NLGN4X: variants seen among roughly 807,000 people sequenced by gnomAD.
NLGN4X encodes neuroligin 4 X-linked.
NLGN4X carries 3 observed loss-of-function variants against 40.3 expected under a neutral mutation model. The ratio of observed to expected loss-of-function variants is 0.07; its 90% CI spans 0.03 to 0.19. NLGN4X has a LOEUF of 0.19. NLGN4X is among the 10% of genes least tolerant of loss of function. The pLI, the probability that NLGN4X is intolerant of heterozygous loss-of-function variation, is 1.00. For synonymous variants in NLGN4X, 270 were observed against 306.8 expected (o/e 0.88, Z 1.25); for missense variants, 382 against 708.3 (o/e 0.54, Z 5.23).
chrX:6,056,623 T>C (rs2037639000), intron 2 of NLGN4X, among the ~76,000 whole-genome samples: 1 of 112,454 alleles, frequency 8.9e-6, no homozygotes, highest in Non-Finnish European at 1.9e-5. Flanking sequence ...AATGGATATG[T>C]GTAACATGCA....
At chrX:6,050,683 C>G (rs1287528517) in intron 2 of NLGN4X, among the ~76,000 whole-genome samples, 1 of 111,352 alleles carries the variant, frequency 9.0e-6, no homozygotes, top group Non-Finnish European at 1.9e-5. Context: ...TCATATCTAT[C>G]TATTTATCTA....
intron 5 of NLGN4X, among the ~76,000 whole-genome samples, chrX:5,900,059 G>T (rs1464690966): frequency 2.7e-5 from 3 of 112,365 alleles, no homozygotes; most frequent in Non-Finnish European, 5.6e-5. Flanking sequence ...GAAATTCTCT[G>T]CAAGGGCAGA....
intron 3 of NLGN4X, among the ~76,000 whole-genome samples, chrX:5,947,935 G>A (rs964201419): frequency 5.4e-5 from 6 of 111,891 alleles, no homozygotes; most frequent in Non-Finnish European, 1.1e-4. Context: ...CACAAAAATG[G>A]AAATATGTGT....
In NLGN4X at chrX:6,089,995, G is replaced by A. The variant is rs188130719; in HGVS notation, c.473-60563C>T. 1.7e-4 allele frequency among the ~76,000 whole-genome samples: 19 copies of A among 111,024 alleles called. No homozygotes were observed. The Admixed American group carries it at 1.8e-3, about 11-fold the overall frequency. ...TGGTTATCAGTATTAGGAATCATGTGCTCCCAAGTGTGTGGACCAAGGTCA... is the reference window on the plus strand; with the variant it reads ...TGGTTATCAGTATTAGGAATCATGTACTCCCAAGTGTGTGGACCAAGGTCA... On this transcript the variant is annotated intron_variant, in intron 2 of 5. Transcript: ENST00000381095.
At chrX:6,111,448 T>C (rs1042488994) in intron 2 of NLGN4X, among the ~76,000 whole-genome samples, 7 of 111,564 alleles carry the variant, frequency 6.3e-5, no homozygotes, top group Non-Finnish European at 1.3e-4. Context: ...GAAATAAATG[T>C]GTGTTGTTAG....
chrX:6,210,827 C>T (rs756770187), intron 1 of NLGN4X, among the ~76,000 whole-genome samples: 3 of 112,217 alleles, frequency 2.7e-5, no homozygotes, highest in East Asian at 2.8e-4. Context: ...CTTGACCTTG[C>T]GTGAGTTACA....
intron 3 of NLGN4X, among the ~76,000 whole-genome samples, chrX:5,965,420 GGAGGCACTCTATAGAATGTGCACATCTTC>G (rs1197764932): frequency 8.9e-6 from 1 of 111,962 alleles, no homozygotes; most frequent in Non-Finnish European, 1.9e-5. Flanking sequence ...TGAAAACCTT[GGAGGCACTCTATAGAATGTGCACATCTTC>G]GAGGCACTCT....
chrX:6,110,432 T>C (rs368989123), intron 2 of NLGN4X, among the ~76,000 whole-genome samples: 70 of 111,936 alleles, frequency 6.3e-4, no homozygotes, highest in African/African-American at 2.2e-3. Context: ...GAATCCTGAG[T>C]TTCTGTGCAT....
At chrX:5,978,268 C>T (rs766299698) in intron 3 of NLGN4X, among the ~76,000 whole-genome samples, 3 of 94,110 alleles carry the variant, frequency 3.2e-5, no homozygotes, top group African/African-American at 1.6e-4. Context: ...ACAGGCGTCT[C>T]TTTTTTTCTT....
chrX:6,111,423 T>C (rs1323375291), intron 2 of NLGN4X, among the ~76,000 whole-genome samples: 2 of 111,293 alleles, frequency 1.8e-5, no homozygotes, highest in Non-Finnish European at 3.8e-5. Context: ...GATCCTGGAC[T>C]TCCCAGGACC....
At chrX:6,133,873 T>C (rs925903277) in intron 2 of NLGN4X, among the ~76,000 whole-genome samples, 1 of 111,900 alleles carries the variant, frequency 8.9e-6, no homozygotes. Context: ...AAGGGTAAGA[T>C]AGTACATATT....
At chrX:6,042,708 T>TAG (rs1569203669) in intron 2 of NLGN4X, among the ~76,000 whole-genome samples, 1 of 34,437 alleles carries the variant, frequency 2.9e-5, no homozygotes, top group Non-Finnish European at 5.5e-5. Flanking sequence ...TATATATATA[T>TAG]ATATATATAT....
chrX:6,045,008 C>T (rs1295922585), intron 2 of NLGN4X, among the ~76,000 whole-genome samples: 1 of 111,893 alleles, frequency 8.9e-6, no homozygotes. Context: ...GCAAAGCATA[C>T]TCCAATAAAA....
At chrX:6,173,166 A>C (rs1481565853) in intron 1 of NLGN4X, among the ~76,000 whole-genome samples, 1 of 112,340 alleles carries the variant, frequency 8.9e-6, no homozygotes, top group Non-Finnish European at 1.9e-5. Flanking sequence ...TGTGGAGAGG[A>C]GGGAAGGACC....
chrX:5,978,324 CTTT>C (rs781023543), intron 3 of NLGN4X, among the ~76,000 whole-genome samples: 16,716 of 78,997 alleles, frequency 0.21, 1,791 homozygotes, highest in East Asian at 0.41. Flanking sequence ...TTCTTTCTTT[CTTT>C]CTTTCTTTCT....
chrX:5,904,966 A>G (rs1178956077), intron 4 of NLGN4X, among the ~76,000 whole-genome samples: 1 of 110,427 alleles, frequency 9.1e-6, no homozygotes, highest in African/African-American at 3.3e-5. Flanking sequence ...TGAAACCAAT[A>G]TGGCTTTGAC....
intron 3 of NLGN4X, among the ~76,000 whole-genome samples, chrX:5,949,265 G>T (rs1009357393): frequency 1.8e-5 from 2 of 111,905 alleles, no homozygotes; most frequent in African/African-American, 6.5e-5. Context: ...GATTGATCAG[G>T]TGTAATGATT....
At chrX:6,003,049 C>G (rs528059638) in intron 3 of NLGN4X, among the ~76,000 whole-genome samples, 2 of 111,689 alleles carry the variant, frequency 1.8e-5, no homozygotes, top group Admixed American at 1.9e-4. Flanking sequence ...GTTCGTGTGA[C>G]CTGATTGCTC....
At chrX:5,977,897 C>G (rs1185094994) in intron 3 of NLGN4X, among the ~76,000 whole-genome samples, 1 of 111,792 alleles carries the variant, frequency 8.9e-6, no homozygotes, top group East Asian at 2.8e-4. Flanking sequence ...GTGTACCATG[C>G]ATATTGCTAA....
Sources: allele counts gnomAD v4.1 joint callset (sites outside exome capture counted in the v4.1 genomes callset), GRCh38; gene constraint gnomAD v4.1.1; transcripts MANE v1.5; gene names NCBI Gene and HGNC (gene_info 2026-07-23, HGNC 2026-07-21).